Variants in MYO18B observed in about 807,000 individuals in gnomAD.
MYO18B encodes unconventional myosin-XVIIIb.
Under a neutral mutation model 273.0 loss-of-function variants are expected in MYO18B, and 204 were observed. That is an observed-to-expected ratio of 0.75 (90% confidence interval 0.67 to 0.84). MYO18B has a LOEUF of 0.84. Among genes scored for constraint, MYO18B ranks in the 40% least tolerant of loss-of-function variants. The probability of loss-of-function intolerance (pLI) is 0.00; values close to 1 mark genes in which losing one functional copy is unlikely to be tolerated. For missense variants in MYO18B, 3,212 were observed against 3,287.6 expected (o/e 0.98, Z 0.56); for synonymous variants, 1,330 against 1,305.7 (o/e 1.02, Z -0.40).
intron 21 of MYO18B, among the ~76,000 whole-genome samples, chr22:25,860,474 AT>A (rs2090698378): frequency 6.6e-6 from 1 of 152,190 alleles, no homozygotes; most frequent in African/African-American, 2.4e-5. Context: ...CTCTTCCAAT[AT>A]ACATGGTTAA....
At chr22:25,990,958 C>G (rs369256358) in intron 39 of MYO18B, among the ~76,000 whole-genome samples, 1 of 152,080 alleles carries the variant, frequency 6.6e-6, no homozygotes, top group African/African-American at 2.4e-5. Flanking sequence ...CCGCTTTGCC[C>G]CATCCATAAA....
At chr22:25,833,141 G>A in intron 16 of MYO18B, 144 bp downstream of exon 16, 1 of 719,788 alleles carries the variant, frequency 1.4e-6, no homozygotes, top group Non-Finnish European at 2.4e-6. Flanking sequence ...GTGGATGCCT[G>A]GGACCCAACC....
intron 4 of MYO18B, 157 bp from the exon 5 acceptor site, chr22:25,769,953 G>A: frequency 1.3e-6 from 1 of 747,076 alleles, no homozygotes; most frequent in Non-Finnish European, 2.3e-6. Context: ...TCCGCAACGG[G>A]AATCTGCATT....
chr22:25,933,674 G>A (rs1459687322), intron 34 of MYO18B, among the ~76,000 whole-genome samples: 1 of 152,188 alleles, frequency 6.6e-6, no homozygotes, highest in Non-Finnish European at 1.5e-5. Context: ...CTAATAATTG[G>A]TTTATTGTTG....
chr22:25,759,335 A>G (rs2086228440), intron 1 of MYO18B, among the ~76,000 whole-genome samples: 2 of 150,804 alleles, frequency 1.3e-5, no homozygotes, highest in South Asian at 4.2e-4. Flanking sequence ...ATGTAATACT[A>G]TGCAGCCGTA....
At position 25,903,956 on chromosome 22, in the gene MYO18B, C is replaced by T. The variant is rs2091989091; in HGVS notation, c.5148+125C>T. Reference sequence around the variant, plus strand: ...ATCCTTCAATGGCTCCCTATTATCCCAGGGAACCTTTAAGCTCCTAAGTCT... The same window carrying T: ...ATCCTTCAATGGCTCCCTATTATCCTAGGGAACCTTTAAGCTCCTAAGTCT... On this transcript the variant is annotated intron_variant, in intron 31 of 43. Transcript: ENST00000335473. 2.9e-6 allele frequency: 3 copies of T among 1,050,044 alleles called. No homozygotes were observed. In the East Asian group the frequency reaches 7.8e-5, roughly 27 times the overall value. 65.0% of individuals were successfully genotyped at this position (1,050,044 alleles called of 1,614,324 possible). A position where few individuals can be genotyped will look rare whatever the true frequency, so the allele number is the denominator to read the frequency against.
chr22:26,015,903 G>A (rs781527424), intron 42 of MYO18B, among the ~76,000 whole-genome samples: 1 of 152,200 alleles, frequency 6.6e-6, no homozygotes, highest in Non-Finnish European at 1.5e-5. Context: ...TAGAATGTAA[G>A]TTACTTGAAG....
At chr22:26,046,078 A>G in the MYO18B span, among the ~76,000 whole-genome samples, 1 of 152,216 alleles carries the variant, frequency 6.6e-6, no homozygotes, top group African/African-American at 2.4e-5. Flanking sequence ...TTTCCATTTA[A>G]TAGTATCTGT....
intron 39 of MYO18B, among the ~76,000 whole-genome samples, chr22:25,970,941 A>G (rs78412162): frequency 0.028 from 4,198 of 152,252 alleles, 184 homozygotes; most frequent in African/African-American, 0.093. Flanking sequence ...CTCAAGAAAT[A>G]AGATGATTTT....
At chr22:25,756,059 A>G (rs919533376) in intron 1 of MYO18B, among the ~76,000 whole-genome samples, 3 of 151,840 alleles carry the variant, frequency 2.0e-5, no homozygotes, top group Non-Finnish European at 2.9e-5. Flanking sequence ...CACCACGCCT[A>G]GCTAATTTTT....
intron 14 of MYO18B, among the ~76,000 whole-genome samples, chr22:25,826,880 C>T (rs1477037159): frequency 6.6e-6 from 1 of 152,024 alleles, no homozygotes; most frequent in Non-Finnish European, 1.5e-5. Flanking sequence ...GCCAACATGA[C>T]GAAAACCTGT....
rs976005002 is a variant in MYO18B at position 25,777,804 on chromosome 22, T to C, written c.2068+23T>C. On this transcript the variant is annotated intron_variant, in intron 8 of 43. Transcript: ENST00000335473. ...CAGGTATGGTGGTCTCTAGGTGACA[T>C]GGAGAGTTGGGGTCAGCACGGGGAG... 12 of 1,562,996 alleles carry C rather than the reference T, an allele frequency of 7.7e-6. No homozygotes were observed. In the African/African-American group the frequency reaches 1.4e-4, roughly 18 times the overall value.
At chr22:26,021,287 C>G (rs1935796017) in intron 42 of MYO18B, among the ~76,000 whole-genome samples, 1 of 152,210 alleles carries the variant, frequency 6.6e-6, no homozygotes. Flanking sequence ...ATACTTACAG[C>G]ATTTTCATAT....
chr22:26,037,783 C>A, the MYO18B span, among the ~76,000 whole-genome samples: 1 of 152,204 alleles, frequency 6.6e-6, no homozygotes, highest in South Asian at 2.1e-4. Flanking sequence ...TTAAATGTGT[C>A]CTTTCCTAAT....
chr22:26,054,003 A>G, the MYO18B span, among the ~76,000 whole-genome samples: 1 of 152,190 alleles, frequency 6.6e-6, no homozygotes, highest in Non-Finnish European at 1.5e-5. Flanking sequence ...AAGTCTAGGT[A>G]AGAGATGATA....
In MYO18B at chr22:25,992,422, A is replaced by G; in HGVS notation, c.6216A>G (p.Thr2072=). The G allele has an allele frequency of 1.2e-6, 2 of 1,614,034 alleles. No individual in the cohort carries two copies. The highest frequency in any genetic ancestry group is 1.7e-6 in the Non-Finnish European group (2 of 1,179,894). The part of the protein sequence containing the change: ...VRQTLQTDLE[T]SIRRIADLQA... ...AAACCCTCCAGACAGACCTGGAGAC[A>G]TCCATTCGGCGGATTGCCGACCTGC... is the stretch of plus-strand genomic sequence containing the variant. The change falls in exon 40 of 44, where the codon ACA becomes ACG. Residue 2072 remains threonine (T), a synonymous_variant. Coordinates refer to ENST00000335473, the MANE Select transcript of MYO18B (RefSeq NM_032608.7).
At chr22:25,954,082 G>T (rs1353865508) in intron 38 of MYO18B, among the ~76,000 whole-genome samples, 1 of 152,192 alleles carries the variant, frequency 6.6e-6, no homozygotes, top group Non-Finnish European at 1.5e-5. Context: ...ATATTCATGT[G>T]GGTCCCGTCT....
chr22:26,056,452 T>C, the MYO18B span, among the ~76,000 whole-genome samples: 1 of 152,230 alleles, frequency 6.6e-6, no homozygotes, highest in African/African-American at 2.4e-5. Context: ...CTCCTGGTCC[T>C]GTCTACCTTC....
intron 40 of MYO18B, among the ~76,000 whole-genome samples, chr22:25,995,684 C>G (rs1331262045): frequency 1.3e-5 from 2 of 152,172 alleles, no homozygotes; most frequent in Admixed American, 6.5e-5. Context: ...GAGAAATCCC[C>G]TCTGGCTTTA....
Sources: gnomAD v4.1 joint callset for allele counts (sites outside exome capture counted in the v4.1 genomes callset) on GRCh38, gnomAD v4.1.1 for gene constraint, MANE v1.5 for transcripts, NCBI Gene and HGNC (gene_info 2026-07-23, HGNC 2026-07-21) for gene names.